Variants in RABEP1 observed in about 807,000 individuals in gnomAD.
RABEP1 encodes the protein rabaptin, RAB GTPase binding effector protein 1, also known as rab GTPase-binding effector protein 1.
RABEP1 carries 51 observed loss-of-function variants against 123.4 expected under a neutral mutation model. That is an observed-to-expected ratio of 0.41 (90% CI 0.33 to 0.52). RABEP1 has a LOEUF of 0.52. Ranked by LOEUF, RABEP1 falls within the 20% of genes least tolerant of loss-of-function variation. The pLI, the probability that RABEP1 is intolerant of heterozygous loss-of-function variation, is 0.16. For synonymous variants in RABEP1, 347 were observed against 355.2 expected, an observed-to-expected ratio of 0.98 and a Z score of 0.26; for missense variants, 888 against 996.3, an observed-to-expected ratio of 0.89 and a Z score of 1.46.
chr17:5,363,514 G>A (rs974037047), intron 10 of RABEP1, among the ~76,000 whole-genome samples: 3 of 152,014 alleles, frequency 2.0e-5, no homozygotes, highest in Non-Finnish European at 4.4e-5. Flanking sequence ...CACCGCGCTC[G>A]GCCAGGACTC....
chr17:5,332,604 T>A (rs941071919), intron 3 of RABEP1, among the ~76,000 whole-genome samples: 2 of 148,398 alleles, frequency 1.3e-5, no homozygotes, highest in African/African-American at 5.0e-5. Flanking sequence ...GAATTTTTTT[T>A]TTTTTTTTTT....
rs2074933038 is a variant in RABEP1, at chr17:5,282,398, G to A, written c.-89G>A. ...TCTGGGCGGCGGCGGCGGCGGCTCG[G>A]TTGACGCCTCCTCCGCCAGCTGAGC... On this transcript the variant is annotated 5_prime_UTR_variant, in exon 1 of 18. Transcript: ENST00000537505. The A allele has an allele frequency of 3.6e-6, 4 of 1,103,402 alleles. No individual in the cohort carries two copies. The highest frequency in any genetic ancestry group is 4.4e-5 in the South Asian group (2 of 45,040). 68.4% of individuals were successfully genotyped at this position (1,103,402 alleles called of 1,614,324 possible). A position where few individuals can be genotyped will look rare whatever the true frequency, so the allele number is the denominator to read the frequency against.
intron 10 of RABEP1, among the ~76,000 whole-genome samples, chr17:5,364,899 GT>G (rs938339381): frequency 6.6e-6 from 1 of 152,090 alleles, no homozygotes; most frequent in Non-Finnish European, 1.5e-5. Flanking sequence ...AGAAGCAGAT[GT>G]TTTCAGATGA....
Position 5,378,223 on chromosome 17 carries a change from A to C in RABEP1, c.2262A>C (p.Glu754Asp). Reference protein sequence around the residue: ...LKAELERIKVEKGQLESTLRE... With the variant: ...LKAELERIKVDKGQLESTLRE... ...CTGAATTAGAAAGAATAAAAGTGGA[A>C]AAAGGACAGGTAAGTCGTGAGTTTC... The change falls in exon 15 of 18, where the codon GAA becomes GAC. Residue 754 changes from glutamate (E) to aspartate (D), a missense_variant. Glu to Asp is a conservative substitution (Grantham distance 45). Transcript: ENST00000537505. 1 of 1,593,724 alleles carries C rather than the reference A, an allele frequency of 6.3e-7. No individual in the cohort carries two copies. The highest frequency in any genetic ancestry group is 1.3e-5 in the African/African-American group (1 of 74,536).
intron 9 of RABEP1, 105 bp downstream of exon 9, chr17:5,361,780 G>A: frequency 1.0e-6 from 1 of 952,858 alleles, no homozygotes; most frequent in Non-Finnish European, 1.5e-6. Context: ...GTCAGTGCAG[G>A]CACATGTTGC....
At chr17:5,285,864 A>C (rs571020339) in intron 1 of RABEP1, among the ~76,000 whole-genome samples, 2 of 90,968 alleles carry the variant, frequency 2.2e-5, no homozygotes, top group East Asian at 2.9e-3. Flanking sequence ...CTTAAAGACG[A>C]TCTTATCATA....
Position 5,386,149 on chromosome 17 carries a change from T to G in RABEP1, c.*2926T>G. ...TTAGATAATTCTACCTGTTTTACAATATGGGTTTAAGCCTTCAATGGTGTT... is the reference window on the plus strand; with the variant it reads ...TTAGATAATTCTACCTGTTTTACAAGATGGGTTTAAGCCTTCAATGGTGTT... On this transcript the variant is annotated 3_prime_UTR_variant, in exon 18 of 18. Coordinates refer to ENST00000537505, the MANE Select transcript of RABEP1 (RefSeq NM_004703.6). The G allele has an allele frequency of 3.1e-6, 4 of 1,289,962 alleles. No homozygotes were observed. The highest frequency in any genetic ancestry group is 2.4e-5 in the East Asian group (1 of 41,252). The allele number at this position is 1,289,962 out of a possible 1,614,324, so 79.9% of individuals were successfully genotyped here. A position where few individuals can be genotyped will look rare whatever the true frequency, so the allele number is the denominator to read the frequency against.
rs891835946 is a variant in RABEP1, at chr17:5,374,169, C to T, written c.2025+715C>T. Among the ~76,000 whole-genome samples, 524 of 150,524 alleles carry T rather than the reference C, an allele frequency of 3.5e-3. 2 individuals are homozygous for T. The highest frequency in any genetic ancestry group is 0.012 in the African/African-American group (499 of 40,408). ...GCAACCTCCGCCTCACAGGTTTAAACGATTCTCCTGCCTCAGCCTCCCCAG... is the reference window on the plus strand; with the variant it reads ...GCAACCTCCGCCTCACAGGTTTAAATGATTCTCCTGCCTCAGCCTCCCCAG... On this transcript the variant is annotated intron_variant, in intron 13 of 17. Transcript: ENST00000537505.
chr17:5,305,249 A>C (rs897810862), intron 1 of RABEP1, among the ~76,000 whole-genome samples: 1 of 152,212 alleles, frequency 6.6e-6, no homozygotes, highest in Non-Finnish European at 1.5e-5. Context: ...GCAGTATGTT[A>C]GAAGTACTTG....
chr17:5,374,992 G>C (rs1369360154), intron 13 of RABEP1, among the ~76,000 whole-genome samples: 1 of 151,962 alleles, frequency 6.6e-6, no homozygotes, highest in Non-Finnish European at 1.5e-5. Context: ...GGCCAGGCTG[G>C]TCTCGAACTC....
intron 12 of RABEP1, among the ~76,000 whole-genome samples, chr17:5,372,057 G>A (rs1317369169): frequency 6.6e-6 from 1 of 152,150 alleles, no homozygotes; most frequent in East Asian, 1.9e-4. Context: ...CTCGGATTTG[G>A]TGGATAACTT....
chr17:5,318,025 C>A (rs1297113924), intron 2 of RABEP1, among the ~76,000 whole-genome samples: 1 of 152,168 alleles, frequency 6.6e-6, no homozygotes, highest in Non-Finnish European at 1.5e-5. Context: ...CGTGCCTTGT[C>A]CTGTGCACCT....
chr17:5,326,807 T>TA (rs368620773), intron 2 of RABEP1, among the ~76,000 whole-genome samples: 11 of 152,060 alleles, frequency 7.2e-5, no homozygotes, highest in South Asian at 2.1e-4. Context: ...AAACGTTTAT[T>TA]AAAAAAATAA....
At chr17:5,300,599 A>G (rs1305085823) in intron 1 of RABEP1, among the ~76,000 whole-genome samples, 1 of 152,082 alleles carries the variant, frequency 6.6e-6, no homozygotes, top group Admixed American at 6.6e-5. Context: ...GATGTTATGA[A>G]ATCAGCCAGG....
chr17:5,342,314 G>A (rs575245647), intron 5 of RABEP1, among the ~76,000 whole-genome samples: 1 of 152,238 alleles, frequency 6.6e-6, no homozygotes, highest in Admixed American at 6.5e-5. Flanking sequence ...AATAAATGAG[G>A]ACCTGAATCT....
rs778735310 is a variant in RABEP1 at position 5,337,983 on chromosome 17, G to T, written c.529-36G>T. The T allele has an allele frequency of 4.5e-6, 7 of 1,568,902 alleles. No individual in the cohort carries two copies. The Admixed American group carries it at 6.0e-5, about 13-fold the overall frequency. The stretch of plus-strand genomic sequence containing the variant: ...AGAGTTTCTTAGAAAAGCAGTAAAT[G>T]AATAAGTCGTAGCATTTAATTCTTT... On this transcript the variant is annotated intron_variant, in intron 4 of 17. Transcript: ENST00000537505.
intron 1 of RABEP1, among the ~76,000 whole-genome samples, chr17:5,299,985 C>G (rs1447034134): frequency 6.6e-6 from 1 of 151,914 alleles, no homozygotes; most frequent in Non-Finnish European, 1.5e-5. Flanking sequence ...ACCTCGGCCT[C>G]CCAAAGTGCT....
intron 11 of RABEP1, among the ~76,000 whole-genome samples, chr17:5,365,900 G>A (rs976376784): frequency 5.9e-5 from 9 of 152,132 alleles, no homozygotes; most frequent in African/African-American, 1.7e-4. Context: ...CGGATATACC[G>A]CAATTTATCC....
chr17:5,288,523 G>C (rs563212058), intron 1 of RABEP1, among the ~76,000 whole-genome samples: 7 of 152,006 alleles, frequency 4.6e-5, no homozygotes, highest in Non-Finnish European at 8.8e-5. Context: ...AGCCTCCCAA[G>C]TAGCTGGGAT....
Sources: allele counts gnomAD v4.1 joint callset (sites outside exome capture counted in the v4.1 genomes callset), GRCh38; gene constraint gnomAD v4.1.1; transcripts MANE v1.5; gene names NCBI Gene and HGNC (gene_info 2026-07-23, HGNC 2026-07-21).